Variants in ZNF226 observed in about 807,000 individuals in gnomAD.
The protein encoded by ZNF226 is Kruppel-associated box protein.
In ZNF226, 6 loss-of-function variants were observed where a neutral mutation model predicts 11.4. The observed-to-expected ratio is 0.53, with a 90% CI of 0.29 to 1.04. The LOEUF is 1.04. ZNF226 is among the 50% of genes least tolerant of loss of function. The probability of loss-of-function intolerance (pLI) is 0.08; values close to 1 mark genes in which losing one functional copy is unlikely to be tolerated. For missense variants in ZNF226, 1,058 were observed against 956.5 expected, an observed-to-expected ratio of 1.11 and a Z score of -1.40; for synonymous variants, 350 against 322.8, an observed-to-expected ratio of 1.08 and a Z score of -0.90.
In ZNF226 at chr19:44,176,645, T is replaced by C. The variant is rs751707034; in HGVS notation, c.1383T>C (p.Ser461=). 1.9e-6 allele frequency: 3 copies of C among 1,614,050 alleles called. No individual in the cohort carries two copies. In the South Asian group the frequency reaches 3.3e-5, roughly 18 times the overall value. The change falls in exon 6 of 6, where the codon AGT becomes AGC. Residue 461 remains serine (S), a synonymous_variant. Transcript: ENST00000337433. ...GTAAAGGCTTTAGTCGGCCTTCAAG[T>C]CTTCAGGCCCATCAGGGAGTTCACA... The part of the protein sequence containing the change: ...ECGKGFSRPS[S]LQAHQGVHTG...
At chr19:44,197,803 C>A in the ZNF226 span, among the ~76,000 whole-genome samples, 1 of 152,164 alleles carries the variant, frequency 6.6e-6, no homozygotes, top group Non-Finnish European at 1.5e-5. Context: ...ATTATCTTTT[C>A]AACTGTGGCC....
chr19:44,183,224 G>C (rs1449268562), downstream of ZNF226, among the ~76,000 whole-genome samples: 1 of 152,144 alleles, frequency 6.6e-6, no homozygotes, highest in Non-Finnish European at 1.5e-5. Flanking sequence ...AAATGTCACT[G>C]TAGCCCACCA....
downstream of ZNF226, among the ~76,000 whole-genome samples, chr19:44,179,980 A>C (rs540721804): frequency 2.7e-5 from 4 of 149,928 alleles, no homozygotes; most frequent in Admixed American, 2.7e-4. Context: ...CCAGCTACTC[A>C]GGAGTCTGAG....
In ZNF226 at chr19:44,175,746, C is replaced by A; in HGVS notation, c.484C>A (p.Pro162Thr). 1 of 1,612,878 alleles carries A rather than the reference C, an allele frequency of 6.2e-7. No individual in the cohort carries two copies. Among genetic ancestry groups the A allele is most frequent in the South Asian group, 1.1e-5 (1 of 90,886 alleles). ...AGATGGTCCCAATAATACTGGGAAT[C>A]CAGAGTTTCCTATCTTGAGAACCCA... ...KADGPNNTGNPEFPILRTQDS... is the reference protein window; with the variant it reads ...KADGPNNTGNTEFPILRTQDS... Residue 162 changes from proline to threonine, a missense_variant, in exon 6 of 6, where the codon CCA becomes ACA. Transcript: ENST00000337433.
At chr19:44,194,253 C>T in the ZNF226 span, among the ~76,000 whole-genome samples, 1 of 152,056 alleles carries the variant, frequency 6.6e-6, no homozygotes, top group South Asian at 2.1e-4. Context: ...TTCCTAGTGG[C>T]ATTTATTATT....
At chr19:44,193,467 A>G in the ZNF226 span, among the ~76,000 whole-genome samples, 1 of 151,676 alleles carries the variant, frequency 6.6e-6, no homozygotes, top group Non-Finnish European at 1.5e-5. Flanking sequence ...TTTGCCTTTG[A>G]TAGGTAATCT....
At chr19:44,174,983 G>C (rs1402281307) in intron 5 of ZNF226, 3 of 1,609,870 alleles carry the variant, frequency 1.9e-6, no homozygotes. Flanking sequence ...TTGTATTTCA[G>C]ATACCTTACT....
chr19:44,177,186 CCATT>C lies in ZNF226; in HGVS notation c.1927_1930del (p.Phe643AsnfsTer41). Reference sequence around the variant, plus strand: ...TCAGAGAGTCCACAGTGGAGAAAAACCATTCAAATGTGAAGAATGTGGGAAGAGT... The same window carrying C: ...TCAGAGAGTCCACAGTGGAGAAAAACCAAATGTGAAGAATGTGGGAAGAGT... On this transcript the variant is annotated frameshift_variant, in exon 6 of 6. Transcript: ENST00000337433. LOFTEE classifies it low-confidence loss of function (END_TRUNC). The C allele has an allele frequency of 6.2e-7, 1 of 1,613,824 alleles. No individual in the cohort carries two copies. The highest frequency in any genetic ancestry group is 8.5e-7 in the Non-Finnish European group (1 of 1,179,984).
At position 44,175,875 on chromosome 19, in the gene ZNF226, C is replaced by A. The variant is rs1262798925; in HGVS notation, c.613C>A (p.Pro205Thr). 6.2e-7 allele frequency: 1 copy of A among 1,613,264 alleles called. No homozygotes were observed. Among genetic ancestry groups the A allele is most frequent in the Non-Finnish European group, 8.5e-7 (1 of 1,179,632 alleles). Reference sequence around the variant, plus strand: ...ATGTCAATGTAAGAAGGGTGTTGATCCCATCGGTTGGATTTCACATCATGA... The same window carrying A: ...ATGTCAATGTAAGAAGGGTGTTGATACCATCGGTTGGATTTCACATCATGA... ...KLCQCKKGVD[P>T]IGWISHHDGH... The change falls in exon 6 of 6, where the codon CCC becomes ACC. Residue 205 changes from proline (P) to threonine (T), a missense_variant. Coordinates refer to ENST00000337433, the MANE Select transcript of ZNF226 (RefSeq NM_001032373.2).
chr19:44,182,422 C>T (rs1970919881), downstream of ZNF226, among the ~76,000 whole-genome samples: 1 of 152,186 alleles, frequency 6.6e-6, no homozygotes, highest in South Asian at 2.1e-4. Flanking sequence ...CAGACACTGC[C>T]AGACAGCAGT....
intron 3 of ZNF226, among the ~76,000 whole-genome samples, chr19:44,170,390 C>T (rs1283955607): frequency 1.3e-5 from 2 of 151,734 alleles, no homozygotes; most frequent in Non-Finnish European, 2.9e-5. Flanking sequence ...CACTTGAGGT[C>T]AGGAGTTTGA....
At chr19:44,198,272 T>C in the ZNF226 span, among the ~76,000 whole-genome samples, 1 of 152,200 alleles carries the variant, frequency 6.6e-6, no homozygotes, top group Non-Finnish European at 1.5e-5. Flanking sequence ...TTTTGATGTT[T>C]TGGTTATTCT....
chr19:44,174,969 C>A (rs890262667), intron 5 of ZNF226: 2 of 1,608,778 alleles, frequency 1.2e-6, no homozygotes, highest in Non-Finnish European at 1.7e-6. Context: ...CTTTCTAGTT[C>A]TTTTTGTATT....
intron 2 of ZNF226, among the ~76,000 whole-genome samples, chr19:44,168,068 A>G (rs1969611252): frequency 6.6e-6 from 1 of 152,168 alleles, no homozygotes; most frequent in African/African-American, 2.4e-5. Context: ...TGTTAGATGG[A>G]AGAGGCAATT....
At position 44,176,042 on chromosome 19, in the gene ZNF226, C is replaced by T; in HGVS notation, c.780C>T (p.Pro260=). 2 of 1,614,044 alleles carry T rather than the reference C, an allele frequency of 1.2e-6. No individual in the cohort carries two copies. Among genetic ancestry groups the T allele is most frequent in the Non-Finnish European group, 1.7e-6 (2 of 1,179,948 alleles). Reference sequence around the variant, plus strand: ...ACCAGTGTAATGAGTGTAAAAAACCCTTCAGTGATCTCTCCAGCTTTGATC... The same window carrying T: ...ACCAGTGTAATGAGTGTAAAAAACCTTTCAGTGATCTCTCCAGCTTTGATC... ...KSYQCNECKK[P]FSDLSSFDLH... is the part of the protein sequence containing the mutation. Residue 260 remains proline, a synonymous_variant, in exon 6 of 6, where the codon CCC becomes CCT. Coordinates refer to ENST00000337433, the MANE Select transcript of ZNF226 (RefSeq NM_001032373.2).
downstream of ZNF226, among the ~76,000 whole-genome samples, chr19:44,179,680 C>G (rs1355848483): frequency 6.6e-6 from 1 of 152,116 alleles, no homozygotes; most frequent in Non-Finnish European, 1.5e-5. Flanking sequence ...ATAGATAACC[C>G]AGGGCACTGG....
chr19:44,189,475 C>A, the ZNF226 span, among the ~76,000 whole-genome samples: 2 of 152,092 alleles, frequency 1.3e-5, no homozygotes, highest in African/African-American at 4.8e-5. Flanking sequence ...CCTTATTTAA[C>A]CAGTAGATAA....
downstream of ZNF226, among the ~76,000 whole-genome samples, chr19:44,182,351 G>T (rs1363589189): frequency 7.0e-6 from 1 of 141,978 alleles, no homozygotes; most frequent in Admixed American, 6.8e-5. Context: ...GCGCGCGCGC[G>T]TGCATACACA....
Position 44,177,624 on chromosome 19 carries a change from G to C in ZNF226, c.2362G>C (p.Gly788Arg), listed in dbSNP as rs369181003. 1 of 1,611,660 alleles carries C rather than the reference G, an allele frequency of 6.2e-7. No homozygotes were observed. Among genetic ancestry groups the C allele is most frequent in the Non-Finnish European group, 8.5e-7 (1 of 1,178,936 alleles). ...VGDKSYKSNR[G>R]GKNIRESTQE... The stretch of plus-strand genomic sequence containing the variant: ...TGATAAATCCTATAAAAGTAATAGG[G>C]GTGGTAAGAACATCAGAGAATCCAC... Residue 788 changes from glycine (G) to arginine (R), a missense_variant, in exon 6 of 6, where the codon GGT becomes CGT. Gly to Arg is a moderately radical substitution (Grantham distance 125). Transcript: ENST00000337433.
Sources: allele counts gnomAD v4.1 joint callset (sites outside exome capture counted in the v4.1 genomes callset), GRCh38; gene constraint gnomAD v4.1.1; transcripts MANE v1.5; gene names NCBI Gene and HGNC (gene_info 2026-07-23, HGNC 2026-07-21).